Variants in MAGI2 observed in about 807,000 individuals in gnomAD.
The protein encoded by MAGI2 is membrane associated guanylate kinase, WW and PDZ domain containing 2, also known as membrane-associated guanylate kinase, WW and PDZ domain-containing protein 2.
MAGI2 carries 35 observed loss-of-function variants against 133.3 expected under a neutral mutation model. That is an observed-to-expected ratio of 0.26 (90% confidence interval 0.20 to 0.35). The LOEUF (loss-of-function observed/expected upper bound fraction) is 0.35, where lower values mean the gene tolerates loss of function less well. MAGI2 is among the 10% of genes least tolerant of loss of function. MAGI2 has a pLI of 1.00. For missense variants in MAGI2, 1,636 were observed against 1,863.4 expected, an observed-to-expected ratio of 0.88 and a Z score of 2.25; for synonymous variants, 729 against 710.6, an observed-to-expected ratio of 1.03 and a Z score of -0.41.
chr7:78,338,332 A>G (rs973382948), intron 9 of MAGI2, among the ~76,000 whole-genome samples: 2 of 151,972 alleles, frequency 1.3e-5, no homozygotes, highest in Non-Finnish European at 2.9e-5. Flanking sequence ...GATCTTCCTC[A>G]CTTGTCCACC....
intron 2 of MAGI2, among the ~76,000 whole-genome samples, chr7:78,996,955 T>G (rs1190127086): frequency 9.5e-6 from 1 of 105,212 alleles, no homozygotes; most frequent in East Asian, 3.1e-4. Context: ...CCGAGTCATA[T>G]TCTGCTTAAA....
intron 2 of MAGI2, among the ~76,000 whole-genome samples, chr7:78,762,795 G>A (rs747446315): frequency 5.9e-5 from 9 of 152,162 alleles, no homozygotes; most frequent in Non-Finnish European, 1.2e-4. Flanking sequence ...TACTATCCAG[G>A]CAGTGACCTT....
intron 2 of MAGI2, among the ~76,000 whole-genome samples, chr7:78,671,277 CTCTCT>C (rs1225136272): frequency 9.7e-5 from 7 of 72,034 alleles, no homozygotes; most frequent in South Asian, 8.5e-4. Context: ...GTGTCTCTCT[CTCTCT>C]TTTTTTTTTT....
In MAGI2 at chr7:79,326,350, G is replaced by A. The variant is rs116879508; in HGVS notation, c.301+126670C>T. On this transcript the variant is annotated intron_variant, in intron 1 of 21. Transcript: ENST00000354212. ...TAAACCTGGCTTAAGAAAAAAACTA[G>A]ACTACCACATTAGGATTGTTAACTT... Among the ~76,000 whole-genome samples the A allele has an allele frequency of 4.6e-5, 7 of 152,172 alleles. No homozygotes were observed. The East Asian group carries it at 1.4e-3, about 29-fold the overall frequency.
intron 1 of MAGI2, among the ~76,000 whole-genome samples, chr7:79,371,784 T>C (rs1843069520): frequency 6.6e-6 from 1 of 152,136 alleles, no homozygotes; most frequent in African/African-American, 2.4e-5. Flanking sequence ...TAGACAGTTC[T>C]CAAACTTTAG....
At chr7:79,021,872 G>C (rs1484424188) in intron 1 of MAGI2, among the ~76,000 whole-genome samples, 1 of 152,168 alleles carries the variant, frequency 6.6e-6, no homozygotes, top group Non-Finnish European at 1.5e-5. Flanking sequence ...ATCTTGAATT[G>C]TAAGAATCCC....
At chr7:79,386,074 A>C (rs1844158143) in intron 1 of MAGI2, among the ~76,000 whole-genome samples, 1 of 150,606 alleles carries the variant, frequency 6.6e-6, no homozygotes, top group African/African-American at 2.5e-5. Context: ...AGCTATAAGA[A>C]ATAATAAAAA....
intron 2 of MAGI2, among the ~76,000 whole-genome samples, chr7:78,759,802 T>A (rs2151296403): frequency 6.6e-6 from 1 of 152,336 alleles, no homozygotes; most frequent in East Asian, 1.9e-4. Context: ...CTAAGGCAGG[T>A]TTCTCAATTT....
chr7:78,778,453 G>A (rs182587483), intron 2 of MAGI2, among the ~76,000 whole-genome samples: 3 of 151,994 alleles, frequency 2.0e-5, no homozygotes, highest in Non-Finnish European at 4.4e-5. Flanking sequence ...TTTTTGTCTT[G>A]GTGACTGGAT....
intron 2 of MAGI2, among the ~76,000 whole-genome samples, chr7:78,978,241 A>T (rs1313727871): frequency 6.6e-6 from 1 of 151,812 alleles, no homozygotes; most frequent in East Asian, 1.9e-4. Context: ...CAGCCCTATC[A>T]CAATTGCCAA....
intron 2 of MAGI2, among the ~76,000 whole-genome samples, chr7:78,976,048 A>G (rs1804218560): frequency 6.6e-6 from 1 of 151,662 alleles, no homozygotes; most frequent in South Asian, 2.1e-4. Context: ...AAAAAACCAG[A>G]TTAGTCCAGA....
At chr7:78,845,621 G>C (rs1792526539) in intron 2 of MAGI2, among the ~76,000 whole-genome samples, 1 of 151,940 alleles carries the variant, frequency 6.6e-6, no homozygotes, top group Non-Finnish European at 1.5e-5. Flanking sequence ...CAACTAACCG[G>C]TATGGGAAAC....
rs1207222470 is a variant in MAGI2, at chr7:78,243,261, ACACACACACT to A, written c.2047+12672_2047+12681del. ...CACACACACACACACACACACACAC[ACACACACACT>A]CTCTCTCTCTCTCTCTTATAAAACA... On this transcript the variant is annotated intron_variant, in intron 10 of 21. Transcript: ENST00000354212. Among the ~76,000 whole-genome samples, 319 of 43,572 alleles carry A rather than the reference ACACACACACT, an allele frequency of 7.3e-3. 5 individuals carry two copies. In the East Asian group the frequency reaches 0.16, roughly 22 times the overall value. The allele number at this position is 43,572 out of a possible 152,430, so 28.6% of individuals were successfully genotyped here.
chr7:79,038,072 G>A (rs1355485089), intron 1 of MAGI2, among the ~76,000 whole-genome samples: 2 of 152,154 alleles, frequency 1.3e-5, no homozygotes, highest in South Asian at 4.1e-4. Flanking sequence ...GACATTAGTA[G>A]TAGCCACTGA....
intron 2 of MAGI2, among the ~76,000 whole-genome samples, chr7:78,745,717 TTCTTA>T (rs1486313812): frequency 5.9e-5 from 9 of 152,154 alleles, no homozygotes; most frequent in Admixed American, 2.6e-4. Flanking sequence ...AAGATATCAC[TTCTTA>T]TCTTATTTTA....
chr7:78,490,889 G>A (rs910825730), intron 5 of MAGI2, among the ~76,000 whole-genome samples: 4 of 152,012 alleles, frequency 2.6e-5, no homozygotes, highest in Non-Finnish European at 4.4e-5. Flanking sequence ...GCACAGGTGT[G>A]GGAAAGTGTG....
intron 2 of MAGI2, among the ~76,000 whole-genome samples, chr7:78,706,222 C>T (rs558192987): frequency 2.0e-5 from 3 of 152,126 alleles, no homozygotes; most frequent in East Asian, 3.9e-4. Flanking sequence ...GGGGAGGTAA[C>T]TGAATTATGG....
At chr7:78,454,592 T>C (rs1360835042) in intron 6 of MAGI2, among the ~76,000 whole-genome samples, 2 of 152,156 alleles carry the variant, frequency 1.3e-5, no homozygotes, top group Non-Finnish European at 2.9e-5. Flanking sequence ...AGTTCAAAAC[T>C]TATGTCCACA....
At chr7:78,646,646 A>T (rs1383501698) in intron 2 of MAGI2, among the ~76,000 whole-genome samples, 1 of 152,226 alleles carries the variant, frequency 6.6e-6, no homozygotes, top group Admixed American at 6.5e-5. Context: ...GCCTTTATAA[A>T]GCTATAGGAC....
Sources: allele counts gnomAD v4.1 joint callset (sites outside exome capture counted in the v4.1 genomes callset), GRCh38; gene constraint gnomAD v4.1.1; transcripts MANE v1.5; gene names NCBI Gene and HGNC (gene_info 2026-07-23, HGNC 2026-07-21).